Variants in IRF2 observed in about 807,000 individuals in gnomAD.
IRF2 encodes the protein interferon regulatory factor 2.
A neutral mutation model predicts 40.6 loss-of-function variants in IRF2; 15 were observed. The ratio of observed to expected loss-of-function variants is 0.37; its 90% CI spans 0.25 to 0.57. IRF2 has a LOEUF of 0.57. IRF2 is among the 20% of genes least tolerant of loss of function. IRF2 has a pLI of 0.77. For synonymous variants in IRF2, 151 were observed against 165.5 expected (o/e 0.91, Z 0.67); for missense variants, 317 against 455.7 (o/e 0.70, Z 2.77).
intron 1 of IRF2, among the ~76,000 whole-genome samples, chr4:184,445,876 G>A (rs188886597): frequency 3.9e-5 from 6 of 152,280 alleles, no homozygotes; most frequent in African/African-American, 1.2e-4. Context: ...GACCTTTTCT[G>A]CATATGGAGT....
intron 1 of IRF2, among the ~76,000 whole-genome samples, chr4:184,430,364 C>CCTTTTCCTTGTA (rs1369522022): frequency 5.8e-4 from 71 of 122,728 alleles, no homozygotes; most frequent in East Asian, 8.4e-4. Flanking sequence ...GTCTGGCCCA[C>CCTTTTCCTTGTA]TGACTGCTGC....
At chr4:184,442,091 C>G (rs1738333592) in intron 1 of IRF2, among the ~76,000 whole-genome samples, 1 of 152,216 alleles carries the variant, frequency 6.6e-6, no homozygotes, top group South Asian at 2.1e-4. Context: ...AAACATCGTT[C>G]CAGCTCCTGA....
Position 184,388,851 on chromosome 4 carries a change from T to C in IRF2, c.957A>G (p.Pro319=). 1.1e-5 allele frequency: 17 copies of C among 1,614,030 alleles called. No homozygotes were observed. Among genetic ancestry groups the C allele is most frequent in the Non-Finnish European group, 1.4e-5 (17 of 1,180,002 alleles). Residue 319 remains proline, a synonymous_variant, in exon 9 of 9, where the codon CCA becomes CCG. Coordinates refer to ENST00000393593, the MANE Select transcript of IRF2 (RefSeq NM_002199.4). This position sits in a 1 kb window ranked among gnomAD's most constrained non-coding sequence, Gnocchi z 4.6. ...GGTCTGGCCGACTGCTGCTGGATGC[T>C]GGGGTCATGGAGGAAGAAAGGGGGA... ...QDLPLSSSMT[P]ASSSSRPDRE...
chr4:184,453,136 G>A lies in IRF2; in HGVS notation c.-7+21243C>T, dbSNP rs185586592. 4.5e-4 allele frequency among the ~76,000 whole-genome samples: 69 copies of A among 152,288 alleles called. 1 individual carries two copies. The highest frequency in any genetic ancestry group is 1.5e-3 in the African/African-American group (64 of 41,552). On this transcript the variant is annotated intron_variant, in intron 1 of 8. Coordinates refer to ENST00000393593, the MANE Select transcript of IRF2 (RefSeq NM_002199.4). ...AGACAACATGAGAAAACTGTGAATTGCAGATAAATTACCTTCCAGATACAT... is the reference window on the plus strand; with the variant it reads ...AGACAACATGAGAAAACTGTGAATTACAGATAAATTACCTTCCAGATACAT...
intron 1 of IRF2, among the ~76,000 whole-genome samples, chr4:184,435,952 GC>G (rs1738058639): frequency 6.6e-6 from 1 of 151,464 alleles, no homozygotes; most frequent in South Asian, 2.1e-4. Flanking sequence ...TATCTCTGGA[GC>G]TTTTCTTTTT....
chr4:184,426,462 A>G (rs1038813077), intron 2 of IRF2, among the ~76,000 whole-genome samples: 13 of 152,120 alleles, frequency 8.5e-5, no homozygotes, highest in Non-Finnish European at 1.3e-4. Flanking sequence ...TCTGTCTCTT[A>G]TAAAGACACT....
intron 2 of IRF2, among the ~76,000 whole-genome samples, chr4:184,423,250 T>C (rs1332180294): frequency 6.6e-6 from 1 of 152,194 alleles, no homozygotes; most frequent in African/African-American, 2.4e-5. Context: ...TGGTACATGC[T>C]GTGTATAGAC....
chr4:184,432,202 C>T (rs72703772), intron 1 of IRF2, among the ~76,000 whole-genome samples: 3 of 152,204 alleles, frequency 2.0e-5, no homozygotes, highest in Non-Finnish European at 2.9e-5. Flanking sequence ...TGAAATATAT[C>T]CACAACCCCC....
chr4:184,424,818 T>C (rs1737610983), intron 2 of IRF2, among the ~76,000 whole-genome samples: 1 of 152,252 alleles, frequency 6.6e-6, no homozygotes, highest in Non-Finnish European at 1.5e-5. Flanking sequence ...TCTCTCTTAC[T>C]AAGAATGGAG....
At chr4:184,453,913 T>C (rs188896369) in intron 1 of IRF2, among the ~76,000 whole-genome samples, 1 of 152,342 alleles carries the variant, frequency 6.6e-6, no homozygotes, top group African/African-American at 2.4e-5. Flanking sequence ...ATGTGGTCAG[T>C]ATTTGTGAAA....
At chr4:184,439,805 G>A (rs73007072) in intron 1 of IRF2, among the ~76,000 whole-genome samples, 2,061 of 152,230 alleles carry the variant, frequency 0.014, 40 homozygotes, top group African/African-American at 0.047. Flanking sequence ...TGCTGCATCC[G>A]AACCATAATC....
chr4:184,422,263 C>A (rs1239419237), intron 2 of IRF2, among the ~76,000 whole-genome samples: 1 of 151,940 alleles, frequency 6.6e-6, no homozygotes, highest in East Asian at 1.9e-4. Context: ...GACATGTCTC[C>A]AAAAAAAGAT....
chr4:184,419,353 C>T, intron 3 of IRF2, 116 bp downstream of exon 3: 1 of 745,618 alleles, frequency 1.3e-6, no homozygotes, highest in Non-Finnish European at 2.4e-6. Context: ...AGGGACAAGT[C>T]ACAGGTTTTT....
chr4:184,403,319 C>G (rs1453681808), intron 6 of IRF2, among the ~76,000 whole-genome samples: 1 of 152,116 alleles, frequency 6.6e-6, no homozygotes, highest in African/African-American at 2.4e-5. Flanking sequence ...GACCACCAAG[C>G]GGCAAAACAG....
chr4:184,393,086 A>G (rs1736317239), intron 7 of IRF2, among the ~76,000 whole-genome samples: 1 of 152,224 alleles, frequency 6.6e-6, no homozygotes, highest in Admixed American at 6.5e-5. Flanking sequence ...GTGCTGGCTC[A>G]GTATCCTGAG....
intron 1 of IRF2, among the ~76,000 whole-genome samples, chr4:184,449,817 G>A (rs1269179246): frequency 2.0e-5 from 3 of 152,158 alleles, no homozygotes; most frequent in African/African-American, 2.4e-5. Flanking sequence ...CCAACACTGC[G>A]CTGGCCGTTA....
intron 1 of IRF2, among the ~76,000 whole-genome samples, chr4:184,435,953 CTTTTCTTTTTTCTTTTTCT>C (rs1366712056): frequency 2.0e-5 from 3 of 151,170 alleles, no homozygotes; most frequent in Admixed American, 1.3e-4. Context: ...ATCTCTGGAG[CTTTTCTTTTTTCTTTTTCT>C]TTTTCTTTTT....
chr4:184,461,475 G>A (rs920921599), intron 1 of IRF2, among the ~76,000 whole-genome samples: 1 of 152,094 alleles, frequency 6.6e-6, no homozygotes, highest in African/African-American at 2.4e-5. Flanking sequence ...GCCTAATTGT[G>A]TTTTCTCTAT....
intron 2 of IRF2, among the ~76,000 whole-genome samples, chr4:184,420,327 A>C (rs1425075721): frequency 6.6e-6 from 1 of 152,200 alleles, no homozygotes; most frequent in African/African-American, 2.4e-5. Flanking sequence ...TGATGCTACT[A>C]AAGAAAAGTC....
Sources: allele counts gnomAD v4.1 joint callset (sites outside exome capture counted in the v4.1 genomes callset), GRCh38; gene constraint gnomAD v4.1.1; non-coding constraint Gnocchi (gnomAD v3.1); transcripts MANE v1.5; gene names NCBI Gene and HGNC (gene_info 2026-07-23, HGNC 2026-07-21).